The following EIF1AX variants were observed in gnomAD, a reference collection of about 807,000 sequenced individuals.
EIF1AX encodes eukaryotic translation initiation factor 1A, X-chromosomal.
A neutral mutation model predicts 16.1 loss-of-function variants in EIF1AX; 1 was observed. That is an observed-to-expected ratio of 0.06 (90% CI 0.02 to 0.30). EIF1AX has a LOEUF of 0.30. Ranked by LOEUF, EIF1AX falls within the 10% of genes least tolerant of loss-of-function variation. The probability of loss-of-function intolerance (pLI) is 1.00; values close to 1 mark genes in which losing one functional copy is unlikely to be tolerated. For missense variants in EIF1AX, 11 were observed against 109.1 expected, an observed-to-expected ratio of 0.10 and a Z score of 4.00; for synonymous variants, 32 against 37.3, an observed-to-expected ratio of 0.86 and a Z score of 0.51.
Position 20,128,234 on chromosome X carries a change from CTTT to C in EIF1AX, c.*69_*71del, listed in dbSNP as rs2066991250. 5 of 1,003,626 alleles carry C rather than the reference CTTT, an allele frequency of 5.0e-6. No homozygotes were observed. Among genetic ancestry groups the C allele is most frequent in the Admixed American group, 2.5e-5 (1 of 40,453 alleles). The allele number at this position is 1,003,626 out of a possible 1,213,427, so 82.7% of individuals were successfully genotyped here. A position where few individuals can be genotyped will look rare whatever the true frequency, so the allele number is the denominator to read the frequency against. On this transcript the variant is annotated 3_prime_UTR_variant, in exon 7 of 7. Coordinates refer to ENST00000379607, the MANE Select transcript of EIF1AX (RefSeq NM_001412.4). ...TTCATGCTAATGAAATTTTAATCTT[CTTT>C]GTCATGATCAAAATCCAAATTGTAG... is the stretch of plus-strand genomic sequence containing the variant.
At chrX:20,128,604 G>A (rs919268194) in intron 6 of EIF1AX, among the ~76,000 whole-genome samples, 4 of 112,132 alleles carry the variant, frequency 3.6e-5, no homozygotes, top group African/African-American at 6.5e-5. Context: ...AGCATGATAT[G>A]ATTGATCCCG....
At chrX:20,133,374 G>A (rs2067006482) in intron 4 of EIF1AX, among the ~76,000 whole-genome samples, 1 of 111,196 alleles carries the variant, frequency 9.0e-6, no homozygotes, top group South Asian at 3.8e-4. Flanking sequence ...TCTACTACAT[G>A]CTAGCAGCAC....
In EIF1AX at chrX:20,135,847, G is replaced by A. The variant is rs181821614; in HGVS notation, c.101-6C>T. 15,456 of 1,158,580 alleles carry A rather than the reference G, an allele frequency of 0.013. 97 individuals are homozygous for A. The highest frequency in any genetic ancestry group is 0.025 in the Middle Eastern group (106 of 4,221). On this transcript the variant is annotated splice_polypyrimidine_tract_variant and splice_region_variant and intron_variant, in intron 2 of 6. Coordinates refer to ENST00000379607, the MANE Select transcript of EIF1AX (RefSeq NM_001412.4). ...TTTGATTACCTGAGCATACTCTAGC[G>A]GGGAGAAAGGAAAAGGGTATGGAAT...
In EIF1AX at chrX:20,127,677, C is replaced by G. The variant is rs1182113271; in HGVS notation, c.*629G>C. ...TCTGCAACTACTAAGCTTACAAATT[C>G]AATACTGCTATTAAAACCCAGGTTC... On this transcript the variant is annotated 3_prime_UTR_variant, in exon 7 of 7. Coordinates refer to ENST00000379607, the MANE Select transcript of EIF1AX (RefSeq NM_001412.4). 1.3e-5 allele frequency: 2 copies of G among 150,550 alleles called. No individual in the cohort carries two copies. Among genetic ancestry groups the G allele is most frequent in the Non-Finnish European group, 2.6e-5 (2 of 76,951 alleles). The allele number at this position is 150,550 out of a possible 1,213,427, so 12.4% of individuals were successfully genotyped here.
rs1430911344 is a variant in EIF1AX at position 20,126,004 on chromosome X, A to T, written c.*2302T>A. On this transcript the variant is annotated 3_prime_UTR_variant, in exon 7 of 7. Transcript: ENST00000379607. ...GTTTGGTTATTTAGCCACACTAGTGATAAAACATATTCATATTCTAACTGC... is the reference window on the plus strand; with the variant it reads ...GTTTGGTTATTTAGCCACACTAGTGTTAAAACATATTCATATTCTAACTGC... 1.5e-5 allele frequency: 2 copies of T among 134,869 alleles called. No individual in the cohort carries two copies. Among genetic ancestry groups the T allele is most frequent in the Non-Finnish European group, 2.9e-5 (2 of 67,815 alleles). 11.1% of individuals were successfully genotyped at this position (134,869 alleles called of 1,213,427 possible). A position where few individuals can be genotyped will look rare whatever the true frequency, so the allele number is the denominator to read the frequency against.
In EIF1AX at chrX:20,125,068, C is replaced by T. The variant is rs1474526281; in HGVS notation, c.*3238G>A. The T allele has an allele frequency of 6.9e-6, 1 of 144,458 alleles. No individual in the cohort carries two copies. The highest frequency in any genetic ancestry group is 1.4e-5 in the Non-Finnish European group (1 of 72,820). The allele number at this position is 144,458 out of a possible 1,213,427, so 11.9% of individuals were successfully genotyped here. A position where few individuals can be genotyped will look rare whatever the true frequency, so the allele number is the denominator to read the frequency against. On this transcript the variant is annotated 3_prime_UTR_variant, in exon 7 of 7. Coordinates refer to ENST00000379607, the MANE Select transcript of EIF1AX (RefSeq NM_001412.4). ...TCTGCATGACAGGTACTGTTTTCATCATCCCCATCTTAGAGGTGAAGAACC... is the reference window on the plus strand; with the variant it reads ...TCTGCATGACAGGTACTGTTTTCATTATCCCCATCTTAGAGGTGAAGAACC...
At position 20,126,585 on chromosome X, in the gene EIF1AX, G is replaced by A. The variant is rs1238645981; in HGVS notation, c.*1721C>T. 3 of 133,036 alleles carry A rather than the reference G, an allele frequency of 2.3e-5. No homozygotes were observed. Among genetic ancestry groups the A allele is most frequent in the Admixed American group, 9.3e-5 (1 of 10,770 alleles). 11.0% of individuals were successfully genotyped at this position (133,036 alleles called of 1,213,427 possible). On this transcript the variant is annotated 3_prime_UTR_variant, in exon 7 of 7. Transcript: ENST00000379607. Reference sequence around the variant, plus strand: ...ACATTCTTAGTAAAATAATATGAAAGGATCTATATATACTGTAAATTTAGC... The same window carrying A: ...ACATTCTTAGTAAAATAATATGAAAAGATCTATATATACTGTAAATTTAGC...
Position 20,128,232 on chromosome X carries a change from T to C in EIF1AX, c.*74A>G. On this transcript the variant is annotated 3_prime_UTR_variant, in exon 7 of 7. Transcript: ENST00000379607. Reference sequence around the variant, plus strand: ...CATTCATGCTAATGAAATTTTAATCTTCTTTGTCATGATCAAAATCCAAAT... The same window carrying C: ...CATTCATGCTAATGAAATTTTAATCCTCTTTGTCATGATCAAAATCCAAAT... 1 of 967,828 alleles carries C rather than the reference T, an allele frequency of 1.0e-6. No homozygotes were observed. Among genetic ancestry groups the C allele is most frequent in the Non-Finnish European group, 1.4e-6 (1 of 698,803 alleles). 79.8% of individuals were successfully genotyped at this position (967,828 alleles called of 1,213,427 possible). A position where few individuals can be genotyped will look rare whatever the true frequency, so the allele number is the denominator to read the frequency against.
intron 5 of EIF1AX, 132 bp downstream of exon 5, chrX:20,132,050 A>G: frequency 2.6e-6 from 1 of 391,312 alleles, no homozygotes; most frequent in Middle Eastern, 7.5e-4. Context: ...ATTATGAAGC[A>G]TAGGCAGGCA....
Position 20,141,788 on chromosome X carries a change from C to A in EIF1AX, c.-148G>T, listed in dbSNP as rs2067035423. Reference sequence around the variant, plus strand: ...CAACGTGCGCGGGAGAGGCTGGCGACCCAGCTCTTCAGAGATCCGCCTGCG... The same window carrying A: ...CAACGTGCGCGGGAGAGGCTGGCGAACCAGCTCTTCAGAGATCCGCCTGCG... On this transcript the variant is annotated 5_prime_UTR_variant, in exon 1 of 7. Transcript: ENST00000379607. The A allele has an allele frequency of 1.7e-6, 1 of 574,647 alleles. No individual in the cohort carries two copies. The highest frequency in any genetic ancestry group is 4.4e-5 in the East Asian group (1 of 22,828). 47.4% of individuals were successfully genotyped at this position (574,647 alleles called of 1,213,427 possible).
At chrX:20,132,721 A>G (rs2067004840) in intron 4 of EIF1AX, among the ~76,000 whole-genome samples, 2 of 112,003 alleles carry the variant, frequency 1.8e-5, no homozygotes, top group African/African-American at 3.2e-5. Flanking sequence ...ATCAATCACA[A>G]TCTCCTGTGG....
intron 2 of EIF1AX, among the ~76,000 whole-genome samples, chrX:20,137,494 G>A (rs993145741): frequency 6.3e-5 from 7 of 111,292 alleles, no homozygotes; most frequent in African/African-American, 2.3e-4. Context: ...ATATGTGTGT[G>A]TACAGATGAA....
intron 4 of EIF1AX, among the ~76,000 whole-genome samples, chrX:20,132,823 A>G: frequency 8.9e-6 from 1 of 112,236 alleles, no homozygotes; most frequent in Non-Finnish European, 1.9e-5. Flanking sequence ...TTCTGATGCA[A>G]AAGTCCCATT....
intron 2 of EIF1AX, among the ~76,000 whole-genome samples, chrX:20,137,389 T>A (rs2067020491): frequency 9.0e-6 from 1 of 110,746 alleles, no homozygotes; most frequent in Non-Finnish European, 1.9e-5. Flanking sequence ...GAGCTTGTAG[T>A]GAGCCGAGAT....
At chrX:20,130,638 C>T (rs778576895) in intron 5 of EIF1AX, 31 bp from the exon 6 acceptor site, 54 of 1,149,924 alleles carry the variant, frequency 4.7e-5, no homozygotes, top group Admixed American at 1.3e-4. Flanking sequence ...ACTCATAAGT[C>T]AGCACTGTAA....
In EIF1AX at chrX:20,127,018, CTT is replaced by C. The variant is rs1373674667; in HGVS notation, c.*1286_*1287del. ...GTGTCACAAGCTACATGATGGATCT[CTT>C]CTTTTAATGTTGCATAGAGTTTCAG... On this transcript the variant is annotated 3_prime_UTR_variant, in exon 7 of 7. Transcript: ENST00000379607. 1 of 144,492 alleles carries C rather than the reference CTT, an allele frequency of 6.9e-6. No individual in the cohort carries two copies. Among genetic ancestry groups the C allele is most frequent in the Non-Finnish European group, 1.4e-5 (1 of 72,265 alleles). The allele number at this position is 144,492 out of a possible 1,213,427, so 11.9% of individuals were successfully genotyped here.
At chrX:20,136,596 G>C (rs905418176) in intron 2 of EIF1AX, among the ~76,000 whole-genome samples, 6 of 112,061 alleles carry the variant, frequency 5.4e-5, no homozygotes, top group African/African-American at 1.9e-4. Context: ...CAATGTCTTT[G>C]TTGAATTAGA....
intron 4 of EIF1AX, 108 bp downstream of exon 4, chrX:20,133,849 T>G: frequency 9.8e-6 from 6 of 612,168 alleles, no homozygotes; most frequent in Non-Finnish European, 1.5e-5. Flanking sequence ...GATTTAAACA[T>G]AAATCCCTGG....
intron 2 of EIF1AX, among the ~76,000 whole-genome samples, chrX:20,138,151 C>T (rs1401858117): frequency 9.3e-6 from 1 of 107,922 alleles, no homozygotes; most frequent in East Asian, 2.9e-4. Context: ...ATTACAGGCA[C>T]GTGCCACCAC....
Sources: allele counts gnomAD v4.1 joint callset (sites outside exome capture counted in the v4.1 genomes callset), GRCh38; gene constraint gnomAD v4.1.1; transcripts MANE v1.5; gene names NCBI Gene and HGNC (gene_info 2026-07-23, HGNC 2026-07-21).